MACROD2: variants seen among roughly 807,000 people sequenced by gnomAD.
MACROD2 encodes the protein ADP-ribose glycohydrolase MACROD2.
Under a neutral mutation model 70.4 loss-of-function variants are expected in MACROD2, and 36 were observed. That is an observed-to-expected ratio of 0.51 (90% confidence interval 0.39 to 0.68). The LOEUF is 0.68. MACROD2 is among the 30% of genes least tolerant of loss of function. The pLI is 0.00. For synonymous variants in MACROD2, 172 were observed against 178.8 expected (o/e 0.96, Z 0.30); for missense variants, 496 against 538.4 (o/e 0.92, Z 0.78).
chr20:15,092,437 ATATT>A (rs2075799521), intron 5 of MACROD2, among the ~76,000 whole-genome samples: 1 of 148,638 alleles, frequency 6.7e-6, no homozygotes, highest in African/African-American at 2.4e-5. Context: ...TAAAATTTAT[ATATT>A]TATAACATTT....
Position 15,750,310 on chromosome 20 carries a change from T to C in MACROD2, c.646-112435T>C, listed in dbSNP as rs115734863. Among the ~76,000 whole-genome samples, 381 of 152,064 alleles carry C rather than the reference T, an allele frequency of 2.5e-3. 3 individuals carry two copies. Among genetic ancestry groups the C allele is most frequent in the African/African-American group, 8.4e-3 (350 of 41,540 alleles). On this transcript the variant is annotated intron_variant, in intron 8 of 17. Transcript: ENST00000684519. The stretch of plus-strand genomic sequence containing the variant: ...AAACCACCATCAGATACCACCTCAC[T>C]CCAGTGAGAATGGCTATAATTAAAA...
At position 15,234,003 on chromosome 20, in the gene MACROD2, A is replaced by G. The variant is rs1376291164; in HGVS notation, c.540+3942A>G. Among the ~76,000 whole-genome samples, 14 of 56,998 alleles carry G rather than the reference A, an allele frequency of 2.5e-4. No individual in the cohort carries two copies. The East Asian group carries it at 3.0e-3, about 12-fold the overall frequency. 37.4% of individuals were successfully genotyped at this position (56,998 alleles called of 152,430 possible). Reference sequence around the variant, plus strand: ...TTTATTTATATATATATATATATATATATATATTCTTTTTTTTTTTTTTTT... The same window carrying G: ...TTTATTTATATATATATATATATATGTATATATTCTTTTTTTTTTTTTTTT... On this transcript the variant is annotated intron_variant, in intron 6 of 17. Coordinates refer to ENST00000684519, the MANE Select transcript of MACROD2 (RefSeq NM_001351661.2).
intron 4 of MACROD2, among the ~76,000 whole-genome samples, chr20:14,563,948 A>G (rs1979607710): frequency 6.6e-6 from 1 of 151,952 alleles, no homozygotes; most frequent in Admixed American, 6.6e-5. Flanking sequence ...ACTTCTAACT[A>G]TACTACAAGG....
rs192094268 is a variant in MACROD2 at position 14,968,608 on chromosome 20, G to A, written c.419-261332G>A. Among the ~76,000 whole-genome samples the A allele has an allele frequency of 7.9e-5, 12 of 152,316 alleles. No homozygotes were observed. In the East Asian group the frequency reaches 2.3e-3, roughly 29 times the overall value. On this transcript the variant is annotated intron_variant, in intron 5 of 17. Transcript: ENST00000684519. The stretch of plus-strand genomic sequence containing the variant: ...GTTATGCAAACTTCAGCATGCATTA[G>A]AATCACCTGAAGGGCTTGTTCAAGC...
intron 4 of MACROD2, among the ~76,000 whole-genome samples, chr20:14,584,959 T>G (rs183457967): frequency 2.2e-4 from 34 of 152,320 alleles, no homozygotes; most frequent in African/African-American, 7.5e-4. Context: ...TATGATTCTA[T>G]GATTAGCAAA....
At chr20:15,151,545 G>A (rs938950198) in intron 5 of MACROD2, among the ~76,000 whole-genome samples, 1 of 152,152 alleles carries the variant, frequency 6.6e-6, no homozygotes, top group Non-Finnish European at 1.5e-5. Context: ...AATGTCGGGA[G>A]CAGATTGGGT....
At chr20:15,023,845 C>T (rs930682189) in intron 5 of MACROD2, among the ~76,000 whole-genome samples, 1 of 152,098 alleles carries the variant, frequency 6.6e-6, no homozygotes, top group African/African-American at 2.4e-5. Flanking sequence ...ACCCAAGGAA[C>T]ACATCAGTGA....
chr20:15,390,304 C>G (rs1240573085), intron 6 of MACROD2, among the ~76,000 whole-genome samples: 1 of 152,136 alleles, frequency 6.6e-6, no homozygotes, highest in Admixed American at 6.5e-5. Flanking sequence ...CTCCAAACCC[C>G]CTATGAAATA....
At chr20:15,276,661 G>T (rs1256999537) in intron 6 of MACROD2, among the ~76,000 whole-genome samples, 1 of 152,032 alleles carries the variant, frequency 6.6e-6, no homozygotes, top group Non-Finnish European at 1.5e-5. Flanking sequence ...TCTCTATGGT[G>T]TATTTTCAGT....
chr20:14,910,795 G>C (rs1357547164), intron 5 of MACROD2, among the ~76,000 whole-genome samples: 3 of 152,080 alleles, frequency 2.0e-5, no homozygotes, highest in Non-Finnish European at 1.5e-5. Context: ...TCCTAAGCTT[G>C]TTAGGTAACT....
chr20:14,809,849 T>C (rs763741043), intron 5 of MACROD2, among the ~76,000 whole-genome samples: 1 of 151,912 alleles, frequency 6.6e-6, no homozygotes, highest in Non-Finnish European at 1.5e-5. Flanking sequence ...ATGGATAAAT[T>C]CCTGGACACA....
intron 3 of MACROD2, among the ~76,000 whole-genome samples, chr20:14,364,673 A>T (rs2083255843): frequency 6.6e-6 from 1 of 152,190 alleles, no homozygotes; most frequent in Admixed American, 6.5e-5. Flanking sequence ...AGAATTTGCC[A>T]GTCAGGATAT....
chr20:14,964,159 G>A (rs933435139), intron 5 of MACROD2, among the ~76,000 whole-genome samples: 2 of 151,952 alleles, frequency 1.3e-5, no homozygotes, highest in Admixed American at 6.6e-5. Context: ...ATGGTATGGT[G>A]CATTTGCTTT....
intron 3 of MACROD2, among the ~76,000 whole-genome samples, chr20:14,093,507 A>G (rs934451068): frequency 3.9e-5 from 6 of 152,296 alleles, no homozygotes; most frequent in African/African-American, 1.4e-4. Flanking sequence ...ATTTTTGTAG[A>G]AAAAAATTCA....
chr20:14,238,009 G>T (rs1003651911), intron 3 of MACROD2, among the ~76,000 whole-genome samples: 1 of 152,054 alleles, frequency 6.6e-6, no homozygotes, highest in African/African-American at 2.4e-5. Context: ...AAACATACGT[G>T]TGCATGTGTC....
At chr20:15,038,873 A>T (rs2075333979) in intron 5 of MACROD2, among the ~76,000 whole-genome samples, 1 of 152,240 alleles carries the variant, frequency 6.6e-6, no homozygotes, top group South Asian at 2.1e-4. Flanking sequence ...TGGATTCATT[A>T]TAATATATGT....
At chr20:16,039,215 C>T (rs1477175877) in intron 15 of MACROD2, among the ~76,000 whole-genome samples, 1 of 152,000 alleles carries the variant, frequency 6.6e-6, no homozygotes, top group African/African-American at 2.4e-5. Flanking sequence ...TCTAGCTGTT[C>T]TTGGTAGAGG....
chr20:14,533,828 C>A (rs978824781), intron 4 of MACROD2, among the ~76,000 whole-genome samples: 2 of 152,244 alleles, frequency 1.3e-5, no homozygotes, highest in South Asian at 2.1e-4. Context: ...ATTTGAGAGC[C>A]TTCTTACCTG....
chr20:14,560,675 T>TCCC (rs1979374228), intron 4 of MACROD2, among the ~76,000 whole-genome samples: 1 of 151,884 alleles, frequency 6.6e-6, no homozygotes, highest in Non-Finnish European at 1.5e-5. Context: ...TTCTGCATCC[T>TCCC]CCCATAGGTC....
Sources: gnomAD v4.1 joint callset for allele counts (sites outside exome capture counted in the v4.1 genomes callset) on GRCh38, gnomAD v4.1.1 for gene constraint, MANE v1.5 for transcripts, NCBI Gene and HGNC (gene_info 2026-07-23, HGNC 2026-07-21) for gene names.